The following NDC1 variants were observed in gnomAD, a reference collection of about 807,000 sequenced individuals.
NDC1 encodes the protein NDC1 transmembrane nucleoporin.
Under a neutral mutation model 89.8 loss-of-function variants are expected in NDC1, and 24 were observed. The ratio of observed to expected loss-of-function variants is 0.27; its 90% CI spans 0.19 to 0.38. NDC1 has a LOEUF of 0.38. Among genes scored for constraint, NDC1 ranks in the 10% least tolerant of loss-of-function variants. The pLI is 1.00. For missense variants in NDC1, 728 were observed against 797.6 expected (o/e 0.91, Z 1.05); for synonymous variants, 296 against 284.8 (o/e 1.04, Z -0.39).
At chr1:53,838,162 G>GCCCGA in intron 1 of NDC1, 43 bp downstream of exon 1, 1 of 1,521,648 alleles carries the variant, frequency 6.6e-7, no homozygotes, top group Admixed American at 2.0e-5. Context: ...TGCCCGCCCG[G>GCCCGA]CCCGACCCTG....
chr1:53,824,056 C>A (rs1281407814), intron 5 of NDC1, among the ~76,000 whole-genome samples: 1 of 151,520 alleles, frequency 6.6e-6, no homozygotes, highest in Non-Finnish European at 1.5e-5. Flanking sequence ...GGCAACATAG[C>A]TAGACCCCAC....
intron 16 of NDC1, among the ~76,000 whole-genome samples, chr1:53,786,897 T>G (rs773748471): frequency 1.8e-4 from 28 of 152,136 alleles, no homozygotes; most frequent in Non-Finnish European, 3.4e-4. Flanking sequence ...AGTCTTGCCA[T>G]GTTGCTTAGG....
At chr1:53,781,276 CA>C (rs2100630216) in intron 16 of NDC1, among the ~76,000 whole-genome samples, 1 of 152,260 alleles carries the variant, frequency 6.6e-6, no homozygotes, top group African/African-American at 2.4e-5. Flanking sequence ...GTTGTCCATC[CA>C]CTGATAAAGG....
intron 6 of NDC1, among the ~76,000 whole-genome samples, chr1:53,813,762 C>T (rs1189132444): frequency 6.6e-6 from 1 of 152,042 alleles, no homozygotes; most frequent in Non-Finnish European, 1.5e-5. Context: ...TTAAACTATA[C>T]CTGGAACAAA....
intron 16 of NDC1, among the ~76,000 whole-genome samples, chr1:53,779,643 A>G (rs907310653): frequency 1.3e-5 from 2 of 152,212 alleles, no homozygotes; most frequent in Non-Finnish European, 2.9e-5. Flanking sequence ...CCAAAACCCT[A>G]GTTTCCAATT....
intron 5 of NDC1, among the ~76,000 whole-genome samples, chr1:53,819,950 A>G (rs185776022): frequency 6.2e-4 from 95 of 152,186 alleles, no homozygotes; most frequent in Middle Eastern, 6.8e-3. Flanking sequence ...AGCTTAAAAA[A>G]AAAAGAAAAG....
chr1:53,825,429 T>C (rs1227664355), intron 5 of NDC1, among the ~76,000 whole-genome samples: 1 of 123,594 alleles, frequency 8.1e-6, no homozygotes, highest in Non-Finnish European at 1.7e-5. Context: ...CACTCCAGCC[T>C]GGGCAAAGAA....
At chr1:53,803,269 G>T (rs916683196) in intron 10 of NDC1, among the ~76,000 whole-genome samples, 1 of 152,104 alleles carries the variant, frequency 6.6e-6, no homozygotes, top group African/African-American at 2.4e-5. Context: ...GTCTCATCAT[G>T]TTGCCCAGGC....
chr1:53,770,582 C>T (rs539015882), intron 17 of NDC1, among the ~76,000 whole-genome samples: 2 of 152,184 alleles, frequency 1.3e-5, no homozygotes, highest in African/African-American at 4.8e-5. Flanking sequence ...GCTGGGATTA[C>T]AGCCATGAGC....
At chr1:53,792,028 C>T (rs184928571) in intron 14 of NDC1, among the ~76,000 whole-genome samples, 249 of 151,982 alleles carry the variant, frequency 1.6e-3, no homozygotes, top group Middle Eastern at 0.01. Flanking sequence ...CTGCAAGCTC[C>T]GCCTCCCGGG....
chr1:53,806,239 C>T (rs1488572005), intron 9 of NDC1, among the ~76,000 whole-genome samples, 186 bp downstream of exon 9: 1 of 152,170 alleles, frequency 6.6e-6, no homozygotes, highest in Non-Finnish European at 1.5e-5. Flanking sequence ...TGTGCACTTG[C>T]ATTTTAGTCA....
chr1:53,836,270 C>T (rs534115868), intron 1 of NDC1, among the ~76,000 whole-genome samples: 44 of 152,008 alleles, frequency 2.9e-4, no homozygotes, highest in African/African-American at 1.1e-3. Flanking sequence ...AAGCTGAGGC[C>T]GGGCGTGGTG....
intron 8 of NDC1, among the ~76,000 whole-genome samples, chr1:53,806,921 T>C (rs535632465): frequency 2.0e-5 from 3 of 152,298 alleles, no homozygotes; most frequent in African/African-American, 7.2e-5. Flanking sequence ...AAATCATTTC[T>C]TTAATATAAA....
At position 53,768,031 on chromosome 1, in the gene NDC1, G is replaced by A; in HGVS notation, c.1964C>T (p.Ala655Val). 1 of 1,595,394 alleles carries A rather than the reference G, an allele frequency of 6.3e-7. No individual in the cohort carries two copies. The highest frequency in any genetic ancestry group is 8.5e-7 in the Non-Finnish European group (1 of 1,170,652). The change falls in exon 18 of 18, where the codon GCT becomes GTT. Residue 655 changes from alanine to valine, a missense_variant and splice_region_variant. Coordinates refer to ENST00000371429, the MANE Select transcript of NDC1 (RefSeq NM_018087.5). ...ITTTFGEHLN[A>V]VQASAEHQKR... Reference sequence around the variant, plus strand: ...CTGATGTTCTGCAGATGCTTGCACAGCACTAAATGAAACATAAATTCAAAG... The same window carrying A: ...CTGATGTTCTGCAGATGCTTGCACAACACTAAATGAAACATAAATTCAAAG...
intron 13 of NDC1, among the ~76,000 whole-genome samples, chr1:53,795,685 CACCACT>C (rs1025456052): frequency 2.6e-5 from 4 of 152,198 alleles, no homozygotes; most frequent in Non-Finnish European, 5.9e-5. Context: ...TTACAGCCCC[CACCACT>C]ACCACTCTGG....
intron 17 of NDC1, among the ~76,000 whole-genome samples, chr1:53,771,327 A>G (rs1647111603): frequency 2.0e-5 from 3 of 152,216 alleles, no homozygotes; most frequent in Non-Finnish European, 2.9e-5. Flanking sequence ...TTTCAGGTTC[A>G]TGTTTAATAC....
intron 16 of NDC1, among the ~76,000 whole-genome samples, chr1:53,784,756 A>G (rs1381809912): frequency 6.6e-6 from 1 of 151,986 alleles, no homozygotes; most frequent in African/African-American, 2.4e-5. Context: ...ACACCACTGC[A>G]CTCCAACCTG....
chr1:53,792,440 G>A (rs181797146), intron 14 of NDC1, among the ~76,000 whole-genome samples: 31 of 152,214 alleles, frequency 2.0e-4, no homozygotes, highest in Admixed American at 2.0e-4. Context: ...ACTGTTATGC[G>A]TTATCTATAT....
intron 2 of NDC1, among the ~76,000 whole-genome samples, chr1:53,834,361 T>C (rs1398580408): frequency 6.6e-6 from 1 of 152,228 alleles, no homozygotes; most frequent in South Asian, 2.1e-4. Context: ...ATAGAAATAT[T>C]TGCTATGCCT....
Sources: allele counts gnomAD v4.1 joint callset (sites outside exome capture counted in the v4.1 genomes callset), GRCh38; gene constraint gnomAD v4.1.1; transcripts MANE v1.5; gene names NCBI Gene and HGNC (gene_info 2026-07-23, HGNC 2026-07-21).